The following NFIC variants were observed in gnomAD, a reference collection of about 807,000 sequenced individuals.
NFIC encodes nuclear factor I C.
In NFIC, 12 loss-of-function variants were observed where a neutral mutation model predicts 54.4. The ratio of observed to expected loss-of-function variants is 0.22; its 90% confidence interval spans 0.14 to 0.36. The LOEUF (loss-of-function observed/expected upper bound fraction) is 0.36, where lower values mean the gene tolerates loss of function less well. Ranked by LOEUF, NFIC falls within the 10% of genes least tolerant of loss-of-function variation. NFIC has a pLI of 1.00. For missense variants in NFIC, 575 were observed against 718.2 expected, an observed-to-expected ratio of 0.80 and a Z score of 2.28; for synonymous variants, 322 against 319.2, an observed-to-expected ratio of 1.01 and a Z score of -0.09.
rs572660680 is a variant in NFIC at position 3,462,277 on chromosome 19, G to C, written c.1510-475G>C. Among the ~76,000 whole-genome samples, 556 of 152,022 alleles carry C rather than the reference G, an allele frequency of 3.7e-3. 5 individuals carry two copies. Among genetic ancestry groups the C allele is most frequent in the African/African-American group, 0.013 (529 of 41,458 alleles). ...GACGCCTGTAATCCCAGCTACTCGGGAGGCTGAGGTAGGAGAATTGCTTGA... is the reference window on the plus strand; with the variant it reads ...GACGCCTGTAATCCCAGCTACTCGGCAGGCTGAGGTAGGAGAATTGCTTGA... On this transcript the variant is annotated intron_variant, in intron 10 of 10. Transcript: ENST00000443272.
At position 3,462,898 on chromosome 19, in the gene NFIC, C is replaced by G. The variant is rs1204886578; in HGVS notation, c.*129C>G. 1.3e-6 allele frequency: 2 copies of G among 1,555,096 alleles called. No individual in the cohort carries two copies. The highest frequency in any genetic ancestry group is 1.4e-5 in the African/African-American group (1 of 72,506). ...AGAACACCCCTGCCGACTCCCAGCCCGGCCAAAAAGACAAAACACATAGAC... is the reference window on the plus strand; with the variant it reads ...AGAACACCCCTGCCGACTCCCAGCCGGGCCAAAAAGACAAAACACATAGAC... On this transcript the variant is annotated 3_prime_UTR_variant, in exon 11 of 11. Coordinates refer to ENST00000443272, the MANE Select transcript of NFIC (RefSeq NM_001245002.2).
At chr19:3,456,808 C>T in intron 10 of NFIC, 173 bp downstream of exon 10, 1 of 655,600 alleles carries the variant, frequency 1.5e-6, no homozygotes, top group Non-Finnish European at 2.7e-6. Context: ...CTCCCTGAGG[C>T]CAAATTTCCC....
chr19:3,407,340 C>T (rs2081668966), intron 2 of NFIC, among the ~76,000 whole-genome samples: 1 of 152,010 alleles, frequency 6.6e-6, no homozygotes, highest in Non-Finnish European at 1.5e-5. Flanking sequence ...GTCTCGATCT[C>T]CTGACCTCGT....
chr19:3,459,056 C>A lies in NFIC; in HGVS notation c.1509+2421C>A, dbSNP rs925241153. 6.6e-6 allele frequency among the ~76,000 whole-genome samples: 1 copy of A among 152,254 alleles called. No homozygotes were observed. Among genetic ancestry groups the A allele is most frequent in the Non-Finnish European group, 1.5e-5 (1 of 67,998 alleles). On this transcript the variant is annotated intron_variant, in intron 10 of 10. Transcript: ENST00000443272. The surrounding 1 kb of genome is among the most constrained non-coding windows in gnomAD (Gnocchi z 4.2). Reference sequence around the variant, plus strand: ...AAGCAGTGAGATCCCGCTCTCCCCTCTCCCAGCTCCCGCTCAAAGGGCCCT... The same window carrying A: ...AAGCAGTGAGATCCCGCTCTCCCCTATCCCAGCTCCCGCTCAAAGGGCCCT...
At chr19:3,364,110 A>G (rs1429685643), upstream of NFIC, among the ~76,000 whole-genome samples, 1 of 151,908 alleles carries the variant, frequency 6.6e-6, no homozygotes, top group African/African-American at 2.4e-5. Context: ...TGTATCTGGG[A>G]CAGTTACAGA....
chr19:3,372,603 A>G (rs1202693134), intron 1 of NFIC, among the ~76,000 whole-genome samples: 1 of 152,092 alleles, frequency 6.6e-6, no homozygotes, highest in East Asian at 1.9e-4. Flanking sequence ...TCGGGGATCA[A>G]ACAAGGGGAA....
At chr19:3,366,278 C>T (rs1441470572), upstream of NFIC, among the ~76,000 whole-genome samples, 1 of 148,294 alleles carries the variant, frequency 6.7e-6, no homozygotes, top group Non-Finnish European at 1.5e-5. Context: ...GGAGGCTCTC[C>T]TTTCTCGCTC....
intron 2 of NFIC, among the ~76,000 whole-genome samples, chr19:3,385,577 T>G (rs1285250094): frequency 1.4e-4 from 21 of 148,252 alleles, no homozygotes; most frequent in African/African-American, 4.5e-4. Context: ...GTTGTTGTTT[T>G]TTTTTTTTTT....
intron 7 of NFIC, among the ~76,000 whole-genome samples, chr19:3,451,107 C>T (rs1309482623): frequency 6.6e-6 from 1 of 152,178 alleles, no homozygotes; most frequent in African/African-American, 2.4e-5. Context: ...AAGGCAGGCA[C>T]CACAATAGAA....
At chr19:3,367,069 C>T (rs12983018) in intron 1 of NFIC, among the ~76,000 whole-genome samples, 73,938 of 151,682 alleles carry the variant, frequency 0.49, 18,343 homozygotes, top group African/African-American at 0.57. Context: ...CCCCCGCCTG[C>T]CTCTGAGAGG....
At chr19:3,407,360 G>T (rs889254961) in intron 2 of NFIC, among the ~76,000 whole-genome samples, 1 of 152,042 alleles carries the variant, frequency 6.6e-6, no homozygotes, top group Non-Finnish European at 1.5e-5. Context: ...TGATCCACCC[G>T]CCTCGGCCTC....
At chr19:3,446,548 G>A (rs752665471) in intron 6 of NFIC, among the ~76,000 whole-genome samples, 3 of 152,222 alleles carry the variant, frequency 2.0e-5, no homozygotes, top group Non-Finnish European at 2.9e-5. Context: ...AGGTCGAAGG[G>A]AAGCTAAACT....
intron 1 of NFIC, among the ~76,000 whole-genome samples, chr19:3,372,015 C>CTCTCTCTCTT (rs2081028945): frequency 7.6e-6 from 1 of 131,822 alleles, no homozygotes; most frequent in African/African-American, 2.8e-5. Context: ...CTCTCTCTCT[C>CTCTCTCTCTT]TCTCTCTCTC....
intron 6 of NFIC, among the ~76,000 whole-genome samples, chr19:3,447,196 G>A (rs2082385602): frequency 6.6e-6 from 1 of 151,926 alleles, no homozygotes; most frequent in Middle Eastern, 3.2e-3. Flanking sequence ...CTACTCGGGA[G>A]GCTGAGGCAG....
At chr19:3,460,509 T>C (rs1284968053) in intron 10 of NFIC, among the ~76,000 whole-genome samples, 7 of 152,072 alleles carry the variant, frequency 4.6e-5, no homozygotes. Flanking sequence ...TTTTTGTTTT[T>C]TTTTGGTTTT....
At chr19:3,386,759 T>C (rs535484059) in intron 2 of NFIC, among the ~76,000 whole-genome samples, 2 of 152,344 alleles carry the variant, frequency 1.3e-5, no homozygotes, top group South Asian at 4.1e-4. Context: ...CCTTGACACC[T>C]GCCTCATCCT....
At chr19:3,386,899 G>A (rs2081305567) in intron 2 of NFIC, among the ~76,000 whole-genome samples, 1 of 152,234 alleles carries the variant, frequency 6.6e-6, no homozygotes, top group Non-Finnish European at 1.5e-5. Context: ...AGGGTCCCCA[G>A]GCTGTGGCTG....
intron 3 of NFIC, among the ~76,000 whole-genome samples, chr19:3,429,273 CACACACACA>C (rs1416246450): frequency 7.0e-6 from 1 of 142,056 alleles, no homozygotes; most frequent in African/African-American, 2.6e-5. Context: ...CACACACACA[CACACACACA>C]CACACACACA....
intron 10 of NFIC, among the ~76,000 whole-genome samples, chr19:3,461,880 C>G (rs1052419531): frequency 1.3e-5 from 2 of 150,764 alleles, no homozygotes; most frequent in Admixed American, 1.3e-4. Context: ...ATGGTGAAAC[C>G]CTGTCTCTAC....
Sources: gnomAD v4.1 joint callset for allele counts (sites outside exome capture counted in the v4.1 genomes callset) on GRCh38, gnomAD v4.1.1 for gene constraint, Gnocchi (gnomAD v3.1) non-coding constraint, MANE v1.5 for transcripts, NCBI Gene and HGNC (gene_info 2026-07-23, HGNC 2026-07-21) for gene names.